NUP107: variants seen among roughly 807,000 people sequenced by gnomAD.
The protein encoded by NUP107 is nuclear pore complex protein Nup107.
NUP107 carries 101 observed loss-of-function variants against 141.0 expected under a neutral mutation model. The observed-to-expected ratio is 0.72, with a 90% CI of 0.61 to 0.84. The LOEUF is 0.84. Ranked by LOEUF, NUP107 falls within the 40% of genes least tolerant of loss-of-function variation. The probability of loss-of-function intolerance (pLI) is 0.00; values close to 1 mark genes in which losing one functional copy is unlikely to be tolerated. For synonymous variants in NUP107, 319 were observed against 363.9 expected (o/e 0.88, Z 1.41); for missense variants, 941 against 1,102.7 (o/e 0.85, Z 2.08).
intron 22 of NUP107, among the ~76,000 whole-genome samples, chr12:68,732,039 A>C (rs1444276548): frequency 1.3e-5 from 2 of 152,224 alleles, no homozygotes; most frequent in Non-Finnish European, 2.9e-5. Context: ...GTTATATCTA[A>C]GAAAACTATT....
chr12:68,708,615 T>G (rs576217853), intron 8 of NUP107, among the ~76,000 whole-genome samples: 39 of 152,026 alleles, frequency 2.6e-4, no homozygotes, highest in Non-Finnish European at 5.1e-4. Context: ...AGCCCTGTAT[T>G]ACAGTTTTTT....
intron 26 of NUP107, among the ~76,000 whole-genome samples, chr12:68,738,031 C>T (rs1273658630): frequency 1.3e-5 from 2 of 151,946 alleles, no homozygotes; most frequent in African/African-American, 4.8e-5. Context: ...AATCCCAGCA[C>T]TTTGGGAGGC....
intron 5 of NUP107, among the ~76,000 whole-genome samples, 175 bp from the exon 6 acceptor site, chr12:68,696,644 T>A (rs931994345): frequency 6.6e-6 from 1 of 151,894 alleles, no homozygotes; most frequent in African/African-American, 2.4e-5. Context: ...ACCTGGGAGG[T>A]GGAGGTTGCA....
At chr12:68,697,583 G>A (rs61927804) in intron 6 of NUP107, among the ~76,000 whole-genome samples, 2,887 of 152,186 alleles carry the variant, frequency 0.019, 51 homozygotes, top group Non-Finnish European at 0.026. Flanking sequence ...ACCTTTACCT[G>A]TGTAACAAAC....
intron 22 of NUP107, 44 bp downstream of exon 22, chr12:68,731,763 A>G (rs1877842098): frequency 9.5e-7 from 1 of 1,051,352 alleles, no homozygotes. Flanking sequence ...ACTTCTAATA[A>G]TCTTTTATGT....
At chr12:68,729,824 T>C (rs1402071085) in intron 20 of NUP107, among the ~76,000 whole-genome samples, 1 of 151,006 alleles carries the variant, frequency 6.6e-6, no homozygotes, top group Non-Finnish European at 1.5e-5. Flanking sequence ...GGAGTCTCAC[T>C]CTCTCGCCCA....
intron 6 of NUP107, among the ~76,000 whole-genome samples, chr12:68,697,206 T>A (rs1383349644): frequency 6.6e-6 from 1 of 152,060 alleles, no homozygotes. Context: ...AGCAGAAGGA[T>A]CACTTAAACC....
intron 1 of NUP107, chr12:68,687,301 C>T: frequency 1.5e-6 from 1 of 677,430 alleles, no homozygotes; most frequent in Non-Finnish European, 2.3e-6. Flanking sequence ...CCACTACGTT[C>T]TGCGATCTAT....
chr12:68,703,718 G>A (rs145784611), intron 8 of NUP107, among the ~76,000 whole-genome samples: 497 of 151,932 alleles, frequency 3.3e-3, no homozygotes, highest in Middle Eastern at 6.8e-3. Context: ...CACAGTGCTG[G>A]GATTACAGGT....
intron 18 of NUP107, among the ~76,000 whole-genome samples, 191 bp downstream of exon 18, chr12:68,725,987 C>T (rs1877548842): frequency 6.6e-6 from 1 of 151,596 alleles, no homozygotes; most frequent in Non-Finnish European, 1.5e-5. Flanking sequence ...CAGGTGTGCA[C>T]CACTACGCCT....
At chr12:68,716,647 T>C (rs1877127467) in intron 12 of NUP107, among the ~76,000 whole-genome samples, 1 of 152,220 alleles carries the variant, frequency 6.6e-6, no homozygotes, top group South Asian at 2.1e-4. Flanking sequence ...TTCTTCCTTT[T>C]AACCTTACCT....
chr12:68,719,429 G>A lies in NUP107; in HGVS notation c.1172G>A (p.Gly391Glu). ...CTGTACCATGACCCTAATGTTAATGGAGGTATTTTAGTAGATTTTATTCTG... is the reference window on the plus strand; with the variant it reads ...CTGTACCATGACCCTAATGTTAATGAAGGTATTTTAGTAGATTTTATTCTG... ...WKLYHDPNVN[G>E]GTELEPVEGN... The change falls in exon 13 of 28, where the codon GGA becomes GAA. Residue 391 changes from glycine (G) to glutamate (E), a missense_variant and splice_region_variant. Physicochemically the swap from Gly to Glu is moderately conservative, Grantham distance 98. Coordinates refer to ENST00000229179, the MANE Select transcript of NUP107 (RefSeq NM_020401.4). The A allele has an allele frequency of 1.9e-6, 3 of 1,613,170 alleles. No individual in the cohort carries two copies. The highest frequency in any genetic ancestry group is 2.5e-6 in the Non-Finnish European group (3 of 1,179,194).
intron 24 of NUP107, among the ~76,000 whole-genome samples, chr12:68,734,438 C>T (rs562177777): frequency 1.3e-5 from 2 of 152,302 alleles, no homozygotes; most frequent in African/African-American, 4.8e-5. Flanking sequence ...GCATATGTTA[C>T]AGAGCGATGA....
chr12:68,687,019 A>G lies in NUP107; in HGVS notation c.-47A>G. ...GAGAGCGGGAAGGCTAAAACGCGGT[A>G]GCTAAACTGCAGCCAACTTTGGTTG... is the stretch of plus-strand genomic sequence containing the variant. On this transcript the variant is annotated 5_prime_UTR_variant, in exon 1 of 28. Transcript: ENST00000229179. The G allele has an allele frequency of 6.2e-7, 1 of 1,613,974 alleles. No homozygotes were observed.
rs1041661113 is a variant in NUP107 at position 68,700,767 on chromosome 12, A to G, written c.594A>G (p.Gly198=). 2 of 1,611,978 alleles carry G rather than the reference A, an allele frequency of 1.2e-6. No homozygotes were observed. ...AAATAGTGAGTCGAGCAACACCTGG[A>G]CTTCAAAAATTTTCAAAAACAGCCA... ...LSKIVSRATP[G]LQKFSKTASM... Residue 198 remains glycine, a synonymous_variant, in exon 7 of 28, where the codon GGA becomes GGG. Coordinates refer to ENST00000229179, the MANE Select transcript of NUP107 (RefSeq NM_020401.4).
Position 68,719,261 on chromosome 12 carries a change from C to G in NUP107, c.1084-80C>G. Reference sequence around the variant, plus strand: ...ATGGAACATTTGTTCCATAAGTTATCTAAGCTTGTCATATATTGGTTATAC... The same window carrying G: ...ATGGAACATTTGTTCCATAAGTTATGTAAGCTTGTCATATATTGGTTATAC... On this transcript the variant is annotated intron_variant, in intron 12 of 27. Transcript: ENST00000229179. 4.1e-6 allele frequency: 4 copies of G among 965,768 alleles called. No homozygotes were observed. The South Asian group carries it at 5.6e-5, about 13-fold the overall frequency. The allele number at this position is 965,768 out of a possible 1,614,324, so 59.8% of individuals were successfully genotyped here.
chr12:68,688,917 C>T, intron 1 of NUP107, 45 bp from the exon 2 acceptor site: 1 of 1,396,530 alleles, frequency 7.2e-7, no homozygotes, highest in East Asian at 2.3e-5. Flanking sequence ...TTTATAAATG[C>T]TATATTCTCG....
At position 68,742,655 on chromosome 12, in the gene NUP107, C is replaced by T; in HGVS notation, c.*193C>T. ...TTTCTCTGTGTGCTTGTTAATAAAA[C>T]TATATAAAAATTAAAATTTTCTGTT... On this transcript the variant is annotated 3_prime_UTR_variant, in exon 28 of 28. Transcript: ENST00000229179. 1 of 295,690 alleles carries T rather than the reference C, an allele frequency of 3.4e-6. No homozygotes were observed. Among genetic ancestry groups the T allele is most frequent in the East Asian group, 5.7e-5 (1 of 17,478 alleles). 18.3% of individuals were successfully genotyped at this position (295,690 alleles called of 1,614,324 possible). A position where few individuals can be genotyped will look rare whatever the true frequency, so the allele number is the denominator to read the frequency against.
intron 13 of NUP107, 58 bp downstream of exon 13, chr12:68,719,489 C>T (rs1877261565): frequency 1.9e-6 from 3 of 1,560,214 alleles, no homozygotes; most frequent in East Asian, 4.5e-5. Context: ...CTCTAAATGC[C>T]AATCTTTGTG....
Sources: gnomAD v4.1 joint callset for allele counts (sites outside exome capture counted in the v4.1 genomes callset) on GRCh38, gnomAD v4.1.1 for gene constraint, MANE v1.5 for transcripts, NCBI Gene and HGNC (gene_info 2026-07-23, HGNC 2026-07-21) for gene names.